Variants in SNX8 observed in about 807,000 individuals in gnomAD.
The protein encoded by SNX8 is sorting nexin-8.
A neutral mutation model predicts 51.6 loss-of-function variants in SNX8; 25 were observed. That is an observed-to-expected ratio of 0.48 (90% CI 0.35 to 0.68). The LOEUF (loss-of-function observed/expected upper bound fraction) is 0.68. Ranked by LOEUF, SNX8 falls within the 30% of genes least tolerant of loss-of-function variation. The pLI is 0.00. For synonymous variants in SNX8, 324 were observed against 277.0 expected (o/e 1.17, Z -1.68); for missense variants, 695 against 624.0 (o/e 1.11, Z -1.21).
intron 1 of SNX8, among the ~76,000 whole-genome samples, chr7:2,293,448 G>C (rs1193282498): frequency 6.6e-6 from 1 of 151,734 alleles, no homozygotes; most frequent in Non-Finnish European, 1.5e-5. Flanking sequence ...GAGGTCAGGA[G>C]ATCGAGACCA....
At chr7:2,327,041 T>C (rs1032534151) in intron 1 of SNX8, among the ~76,000 whole-genome samples, 1 of 152,182 alleles carries the variant, frequency 6.6e-6, no homozygotes, top group African/African-American at 2.4e-5. Context: ...GCTAGAAGTC[T>C]GAAATCAAGT....
At chr7:2,266,796 C>T (rs1027891747) in intron 5 of SNX8, among the ~76,000 whole-genome samples, 2 of 152,142 alleles carry the variant, frequency 1.3e-5, no homozygotes, top group African/African-American at 4.8e-5. Context: ...GCTGGGATTA[C>T]AGGAAGGAGC....
intron 2 of SNX8, among the ~76,000 whole-genome samples, chr7:2,276,639 C>G (rs1390781304): frequency 8.2e-6 from 1 of 121,630 alleles, no homozygotes; most frequent in Non-Finnish European, 1.7e-5. Flanking sequence ...TCCATTTGTA[C>G]TTTAAAAAAA....
At chr7:2,329,930 C>A (rs1778698755) in intron 1 of SNX8, among the ~76,000 whole-genome samples, 1 of 147,812 alleles carries the variant, frequency 6.8e-6, no homozygotes, top group Non-Finnish European at 1.5e-5. Flanking sequence ...TGGGTTCAAG[C>A]AATTCGCCAC....
At chr7:2,306,386 A>G (rs1796545590) in intron 1 of SNX8, among the ~76,000 whole-genome samples, 2 of 152,214 alleles carry the variant, frequency 1.3e-5, no homozygotes, top group South Asian at 4.1e-4. Flanking sequence ...CTGGGATTAC[A>G]GGCGTGAGCC....
upstream of SNX8, among the ~76,000 whole-genome samples, chr7:2,314,870 C>T (rs185064610): frequency 5.5e-4 from 83 of 152,170 alleles, no homozygotes; most frequent in African/African-American, 1.9e-3. Flanking sequence ...GCACTGCATC[C>T]TGCATTCATT....
chr7:2,327,162 C>T (rs1191751451), intron 1 of SNX8, among the ~76,000 whole-genome samples: 1 of 152,052 alleles, frequency 6.6e-6, no homozygotes, highest in Non-Finnish European at 1.5e-5. Context: ...AACACGTCAC[C>T]TCAGTCTCTG....
At chr7:2,300,401 G>A (rs954685345) in intron 1 of SNX8, among the ~76,000 whole-genome samples, 8 of 152,154 alleles carry the variant, frequency 5.3e-5, no homozygotes, top group East Asian at 1.9e-4. Context: ...CAGTAGACAC[G>A]TTGCAAAGCT....
At chr7:2,327,597 T>C (rs182319624) in intron 1 of SNX8, among the ~76,000 whole-genome samples, 25 of 151,912 alleles carry the variant, frequency 1.6e-4, no homozygotes, top group African/African-American at 2.2e-4. Flanking sequence ...TTAGTAGAGA[T>C]GGGGTTTCAC....
At chr7:2,267,888 A>C (rs1795511898) in intron 5 of SNX8, among the ~76,000 whole-genome samples, 1 of 96,876 alleles carries the variant, frequency 1.0e-5, no homozygotes, top group Non-Finnish European at 2.1e-5. Flanking sequence ...CCCAGCCGCC[A>C]TCACATCTAG....
chr7:2,275,292 C>T, intron 2 of SNX8, 63 bp from the exon 3 acceptor site: 1 of 1,090,534 alleles, frequency 9.2e-7, no homozygotes, highest in Non-Finnish European at 1.4e-6. Context: ...GTCACTTCCC[C>T]TCAACAGAGC....
chr7:2,335,802 CAAAAAAAAAAAA>C (rs1173439746), intron 1 of SNX8, among the ~76,000 whole-genome samples: 6 of 30,642 alleles, frequency 2.0e-4, no homozygotes, highest in East Asian at 9.2e-4. Flanking sequence ...GACTCTGTCT[CAAAAAAAAAAAA>C]AAAAAAAAAA....
At chr7:2,313,064 AT>A (rs1038863328) in intron 1 of SNX8, among the ~76,000 whole-genome samples, 1 of 151,244 alleles carries the variant, frequency 6.6e-6, no homozygotes, top group Admixed American at 6.6e-5. Flanking sequence ...CGCCTGGCTA[AT>A]TTTTTTTGTA....
At position 2,350,362 on chromosome 7, in the gene SNX8, G is replaced by A. The variant is rs775122954; in HGVS notation, c.-66+3860C>T. Among the ~76,000 whole-genome samples the A allele has an allele frequency of 2.0e-5, 3 of 152,066 alleles. No individual in the cohort carries two copies. The East Asian group carries it at 5.8e-4, about 29-fold the overall frequency. On this transcript the variant is annotated intron_variant, in intron 1 of 5. Coordinates refer to the SNX8 transcript ENST00000435336. ...AGGCTTCCCCAAGGGGCCGTGTGGC[G>A]GAACATTTTTCATTTTCATAGTTAT...
At chr7:2,257,152 G>A (rs1206290522) in intron 9 of SNX8, 129 bp from the exon 10 acceptor site, 3 of 1,267,810 alleles carry the variant, frequency 2.4e-6, no homozygotes, top group Non-Finnish European at 3.2e-6. Flanking sequence ...CATTTGGAAG[G>A]TGGCGAGGTA....
At chr7:2,323,626 A>G (rs1271118523) in intron 1 of SNX8, among the ~76,000 whole-genome samples, 3 of 152,118 alleles carry the variant, frequency 2.0e-5, no homozygotes, top group Non-Finnish European at 2.9e-5. Flanking sequence ...TATGGCCCAG[A>G]AGTAAGACTC....
rs1297086697 is a variant in SNX8, at chr7:2,342,392, G to A, written c.-66+11830C>T. Among the ~76,000 whole-genome samples the A allele has an allele frequency of 2.0e-5, 3 of 151,948 alleles. 1 individual carries two copies. The highest frequency in any genetic ancestry group is 4.2e-4 in the South Asian group (2 of 4,814). ...TACAGGGCTGGGCGCAGTGGCTCAC[G>A]CCTGTAATCCCAGCACTTTGGGGGG... On this transcript the variant is annotated intron_variant, in intron 1 of 5. Coordinates refer to the SNX8 transcript ENST00000435336.
intron 8 of SNX8, 36 bp downstream of exon 8, chr7:2,257,696 GAAA>G: frequency 3.1e-6 from 5 of 1,604,756 alleles, no homozygotes; most frequent in Non-Finnish European, 4.3e-6. Flanking sequence ...GATCATTCCT[GAAA>G]GTTCTGCCCC....
At chr7:2,255,579 A>G (rs1269721968) in intron 10 of SNX8, among the ~76,000 whole-genome samples, 1 of 152,146 alleles carries the variant, frequency 6.6e-6, no homozygotes, top group East Asian at 1.9e-4. Context: ...CTCCACAGAA[A>G]ATCAGAAATA....
Sources: gnomAD v4.1 joint callset for allele counts (sites outside exome capture counted in the v4.1 genomes callset) on GRCh38, gnomAD v4.1.1 for gene constraint, MANE v1.5 for transcripts, NCBI Gene and HGNC (gene_info 2026-07-23, HGNC 2026-07-21) for gene names.